The following ZNF420 variants were observed in gnomAD, a reference collection of about 807,000 sequenced individuals.
The protein encoded by ZNF420 is zinc finger protein 420.
A neutral mutation model predicts 44.7 loss-of-function variants in ZNF420; 31 were observed. That is an observed-to-expected ratio of 0.69 (90% CI 0.52 to 0.94). The LOEUF is 0.94. ZNF420 is among the 40% of genes least tolerant of loss of function. The probability of loss-of-function intolerance (pLI) is 0.00; values close to 1 mark genes in which losing one functional copy is unlikely to be tolerated. For synonymous variants in ZNF420, 245 were observed against 267.4 expected (o/e 0.92, Z 0.82); for missense variants, 681 against 827.9 (o/e 0.82, Z 2.18).
intron 1 of ZNF420, among the ~76,000 whole-genome samples, chr19:37,020,086 G>A (rs954295969): frequency 2.5e-4 from 38 of 151,908 alleles, no homozygotes; most frequent in African/African-American, 8.7e-4. Flanking sequence ...GCACAGTGGC[G>A]GGCGCCTGTA....
At chr19:37,110,742 G>T (rs1040012494) in intron 4 of ZNF420, among the ~76,000 whole-genome samples, 1 of 152,130 alleles carries the variant, frequency 6.6e-6, no homozygotes, top group Non-Finnish European at 1.5e-5. Context: ...TTGATACTGA[G>T]TTTTGATTAC....
intron 1 of ZNF420, among the ~76,000 whole-genome samples, chr19:37,048,780 A>G (rs1047086305): frequency 2.6e-5 from 4 of 152,040 alleles, no homozygotes; most frequent in Non-Finnish European, 5.9e-5. Context: ...GGTTAGTTAC[A>G]TATGTATACA....
intron 2 of ZNF420, among the ~76,000 whole-genome samples, chr19:37,083,723 C>T (rs905515662): frequency 6.6e-6 from 1 of 152,120 alleles, no homozygotes; most frequent in African/African-American, 2.4e-5. Context: ...ATTCCAGGCT[C>T]ATTTTGTACA....
At chr19:37,083,775 G>A (rs572651184) in intron 2 of ZNF420, among the ~76,000 whole-genome samples, 1 of 152,178 alleles carries the variant, frequency 6.6e-6, no homozygotes, top group South Asian at 2.1e-4. Flanking sequence ...TCTTTATGGA[G>A]CCCTGGTTCC....
intron 1 of ZNF420, among the ~76,000 whole-genome samples, chr19:37,054,384 T>C (rs1248073623): frequency 6.6e-6 from 1 of 152,172 alleles, no homozygotes; most frequent in African/African-American, 2.4e-5. Flanking sequence ...CTTTCTGACA[T>C]TCCCCAGTGA....
chr19:37,049,284 A>T (rs1223965958), intron 1 of ZNF420, among the ~76,000 whole-genome samples: 1 of 152,212 alleles, frequency 6.6e-6, no homozygotes, highest in Non-Finnish European at 1.5e-5. Flanking sequence ...TCCCTGAGGA[A>T]GCACCACACT....
chr19:37,097,935 T>C (rs1969550644), intron 4 of ZNF420, among the ~76,000 whole-genome samples: 1 of 152,212 alleles, frequency 6.6e-6, no homozygotes, highest in African/African-American at 2.4e-5. Flanking sequence ...TATTTTTATA[T>C]GTTCAACAAC....
intron 4 of ZNF420, among the ~76,000 whole-genome samples, chr19:37,095,367 G>T (rs1267662254): frequency 3.3e-5 from 5 of 151,960 alleles, no homozygotes; most frequent in African/African-American, 1.2e-4. Context: ...CTTTAACTTT[G>T]ATCTGTTTCT....
chr19:37,121,927 C>T (rs1971067778), intron 4 of ZNF420, among the ~76,000 whole-genome samples: 1 of 152,208 alleles, frequency 6.6e-6, no homozygotes, highest in African/African-American at 2.4e-5. Context: ...CATCTCACAC[C>T]ATTTAGAATG....
chr19:37,118,992 G>A lies in ZNF420; in HGVS notation c.137-8136G>A, dbSNP rs189341999. On this transcript the variant is annotated intron_variant, in intron 4 of 4. Transcript: ENST00000337995. ...AAGCAAGTCCTGAGTGACCTACAAA[G>A]AGACTTAGACTCCCACACAATAATA... 6.0e-3 allele frequency among the ~76,000 whole-genome samples: 908 copies of A among 152,228 alleles called. 4 individuals are homozygous for A. Among genetic ancestry groups the A allele is most frequent in the Middle Eastern group, 0.01 (3 of 294 alleles).
intron 1 of ZNF420, among the ~76,000 whole-genome samples, chr19:37,054,086 C>T (rs4420645): frequency 0.33 from 49,516 of 152,148 alleles, 8,297 homozygotes; most frequent in Non-Finnish European, 0.35. Flanking sequence ...GCCTCGCCGC[C>T]CCCTTGCAGT....
At chr19:37,113,436 T>C (rs2146676792) in intron 4 of ZNF420, among the ~76,000 whole-genome samples, 2 of 152,332 alleles carry the variant, frequency 1.3e-5, no homozygotes, top group East Asian at 1.9e-4. Context: ...TTTTACGTAC[T>C]CTTGAGATTA....
Position 37,032,366 on chromosome 19 carries a change from G to A in ZNF420, c.-125+24284G>A, listed in dbSNP as rs560215704. On this transcript the variant is annotated intron_variant, in intron 1 of 4. Coordinates refer to the ZNF420 transcript ENST00000587029. ...CCCAAAAAACTAAAATTAGCCAGGCGTGGTTGTGCGCACCTGTAATCCCAG... is the reference window on the plus strand; with the variant it reads ...CCCAAAAAACTAAAATTAGCCAGGCATGGTTGTGCGCACCTGTAATCCCAG... Among the ~76,000 whole-genome samples the A allele has an allele frequency of 9.9e-5, 15 of 151,976 alleles. No individual in the cohort carries two copies. The East Asian group carries it at 1.2e-3, about 12-fold the overall frequency.
At chr19:37,091,271 C>G (rs1019295543) in intron 4 of ZNF420, 150 bp downstream of exon 4, 1 of 729,480 alleles carries the variant, frequency 1.4e-6, no homozygotes, top group African/African-American at 1.8e-5. Flanking sequence ...GACATGGTTT[C>G]TCAGGGCACC....
intron 1 of ZNF420, among the ~76,000 whole-genome samples, chr19:37,022,518 A>G (rs1267890558): frequency 6.6e-6 from 1 of 152,166 alleles, no homozygotes; most frequent in Admixed American, 6.6e-5. Context: ...TCAAAAAGGG[A>G]TGAGTAATTA....
At chr19:37,089,237 GT>G in intron 3 of ZNF420, 110 bp downstream of exon 3, 1 of 929,110 alleles carries the variant, frequency 1.1e-6, no homozygotes. Flanking sequence ...ACTCAGGAAT[GT>G]GCTCCTCAGT....
chr19:37,037,371 C>T (rs1208633416), intron 1 of ZNF420, among the ~76,000 whole-genome samples: 1 of 152,178 alleles, frequency 6.6e-6, no homozygotes, highest in Non-Finnish European at 1.5e-5. Context: ...AGTGCAATGG[C>T]GCCTGCGTCA....
chr19:37,115,885 C>T lies in ZNF420; in HGVS notation c.137-11243C>T, dbSNP rs186917662. Among the ~76,000 whole-genome samples the T allele has an allele frequency of 1.5e-4, 23 of 152,176 alleles. 1 individual carries two copies. Among genetic ancestry groups the T allele is most frequent in the Admixed American group, 1.2e-3 (19 of 15,294 alleles). On this transcript the variant is annotated intron_variant, in intron 4 of 4. Coordinates refer to ENST00000337995, the MANE Select transcript of ZNF420 (RefSeq NM_144689.5). ...GTGGCCTTCCACAGTGTATTGTGTC[C>T]CTGGGTACTTGAGATTAGAGAATGG...
chr19:37,075,566 C>T (rs1968130786), upstream of ZNF420, among the ~76,000 whole-genome samples: 1 of 152,012 alleles, frequency 6.6e-6, no homozygotes. Context: ...AATGGTGAAA[C>T]CCTGTCTCCA....
Sources: allele counts gnomAD v4.1 joint callset (sites outside exome capture counted in the v4.1 genomes callset), GRCh38; gene constraint gnomAD v4.1.1; transcripts MANE v1.5; gene names NCBI Gene and HGNC (gene_info 2026-07-23, HGNC 2026-07-21).